The following RPGRIP1 variants were observed in gnomAD, a reference collection of about 807,000 sequenced individuals.
RPGRIP1 encodes the protein X-linked retinitis pigmentosa GTPase regulator-interacting protein 1.
RPGRIP1 carries 128 observed loss-of-function variants against 157.9 expected under a neutral mutation model. The observed-to-expected ratio is 0.81, with a 90% CI of 0.70 to 0.94. The LOEUF (loss-of-function observed/expected upper bound fraction) is 0.94. RPGRIP1 is among the 40% of genes least tolerant of loss of function. RPGRIP1 has a pLI of 0.00. For missense variants in RPGRIP1, 1,486 were observed against 1,545.8 expected, an observed-to-expected ratio of 0.96 and a Z score of 0.65; for synonymous variants, 554 against 571.6, an observed-to-expected ratio of 0.97 and a Z score of 0.44.
intron 5 of RPGRIP1, among the ~76,000 whole-genome samples, 176 bp from the exon 6 acceptor site, chr14:21,303,155 A>G (rs1881112469): frequency 6.6e-6 from 1 of 152,122 alleles, no homozygotes; most frequent in Non-Finnish European, 1.5e-5. Context: ...GGTGTGAGCC[A>G]CCACGCCTGG....
chr14:21,299,699 C>T (rs1429404970), intron 3 of RPGRIP1, among the ~76,000 whole-genome samples: 1 of 152,056 alleles, frequency 6.6e-6, no homozygotes, highest in Non-Finnish European at 1.5e-5. Context: ...GTGGCATGGC[C>T]AAAGCTACAG....
rs544541165 is a variant in RPGRIP1 at position 21,280,407 on chromosome 14, G to A, written c.-39+248G>A. Reference sequence around the variant, plus strand: ...CTACAGGCATGCGCCACCATTGCCCGGCTAATTTTTGTGTTTTTAGTAGAG... The same window carrying A: ...CTACAGGCATGCGCCACCATTGCCCAGCTAATTTTTGTGTTTTTAGTAGAG... On this transcript the variant is annotated intron_variant, in intron 1 of 24. Coordinates refer to ENST00000400017, the MANE Select transcript of RPGRIP1 (RefSeq NM_020366.4). 1.1e-4 allele frequency among the ~76,000 whole-genome samples: 16 copies of A among 151,992 alleles called. No individual in the cohort carries two copies. In the South Asian group the frequency reaches 1.9e-3, roughly 18 times the overall value.
At chr14:21,326,195 A>C in intron 17 of RPGRIP1, 22 bp downstream of exon 17, 1 of 1,472,440 alleles carries the variant, frequency 6.8e-7, no homozygotes, top group Non-Finnish European at 9.3e-7. Context: ...AGGTTATTAC[A>C]TCTTCACGCC....
In RPGRIP1 at chr14:21,340,479, A is replaced by G. The variant is rs186824227; in HGVS notation, c.3340-2557A>G. On this transcript the variant is annotated intron_variant, in intron 21 of 24. Coordinates refer to ENST00000400017, the MANE Select transcript of RPGRIP1 (RefSeq NM_020366.4). Reference sequence around the variant, plus strand: ...AGACCAGCCTGGGCAACATGGTGAAACCCCGTCTCTACTGAAAATATAAAA... The same window carrying G: ...AGACCAGCCTGGGCAACATGGTGAAGCCCCGTCTCTACTGAAAATATAAAA... Among the ~76,000 whole-genome samples, 939 of 152,148 alleles carry G rather than the reference A, an allele frequency of 6.2e-3. 12 individuals carry two copies. Among genetic ancestry groups the G allele is most frequent in the African/African-American group, 0.021 (882 of 41,528 alleles).
intron 3 of RPGRIP1, among the ~76,000 whole-genome samples, chr14:21,296,304 C>T (rs1262213769): frequency 6.6e-6 from 1 of 151,172 alleles, no homozygotes; most frequent in Non-Finnish European, 1.5e-5. Context: ...TGAGCTCAGG[C>T]AATCAGCCTG....
At chr14:21,306,003 A>C (rs1184321861) in intron 6 of RPGRIP1, among the ~76,000 whole-genome samples, 2 of 151,822 alleles carry the variant, frequency 1.3e-5, no homozygotes, top group African/African-American at 2.4e-5. Flanking sequence ...CAGCAGCTAG[A>C]CAGGGAATCA....
intron 7 of RPGRIP1, 36 bp downstream of exon 7, chr14:21,307,872 G>A (rs1042243191): frequency 2.6e-6 from 3 of 1,148,296 alleles, no homozygotes; most frequent in Admixed American, 3.0e-5. Context: ...TTCTTGGTGG[G>A]GGGAAACCCC....
At chr14:21,282,483 G>A (rs536711614) in intron 1 of RPGRIP1, among the ~76,000 whole-genome samples, 58 of 152,064 alleles carry the variant, frequency 3.8e-4, no homozygotes, top group Middle Eastern at 6.8e-3. Context: ...TGATCAGCCC[G>A]CCTCAGCCTC....
intron 17 of RPGRIP1, among the ~76,000 whole-genome samples, chr14:21,326,452 T>A (rs1285586623): frequency 6.6e-6 from 1 of 152,150 alleles, no homozygotes; most frequent in African/African-American, 2.4e-5. Context: ...CTGAATAAAC[T>A]TCTTTGTTTT....
At chr14:21,280,241 CT>C (rs35642254) in intron 1 of RPGRIP1, among the ~76,000 whole-genome samples, 82 bp downstream of exon 1, 31,696 of 108,814 alleles carry the variant, frequency 0.29, 2,560 homozygotes, top group Admixed American at 0.33. Flanking sequence ...TAAGTTTATT[CT>C]TTTTTTTTTT....
intron 8 of RPGRIP1, 80 bp from the exon 9 acceptor site, chr14:21,311,744 A>C (rs183388641): frequency 2.5e-4 from 287 of 1,134,392 alleles, no homozygotes; most frequent in Admixed American, 3.3e-4. Context: ...CTGTTAGAGA[A>C]TGCTAGGGTT....
intron 1 of RPGRIP1, among the ~76,000 whole-genome samples, chr14:21,282,179 C>T (rs896960486): frequency 2.0e-5 from 3 of 149,516 alleles, no homozygotes; most frequent in African/African-American, 7.3e-5. Context: ...GTAAAGGGTT[C>T]TTCACCCTCA....
In RPGRIP1 at chr14:21,283,654, C is replaced by CT. The variant is rs759412799; in HGVS notation, c.-39+3510dup. On this transcript the variant is annotated intron_variant, in intron 1 of 24. Coordinates refer to ENST00000400017, the MANE Select transcript of RPGRIP1 (RefSeq NM_020366.4). ...TACTTGTAAACTAAATGCAGATTTA[C>CT]TTTTTTTTTTTTTTTAGACAGAGTC... Among the ~76,000 whole-genome samples, 295 of 133,980 alleles carry CT rather than the reference C, an allele frequency of 2.2e-3. 1 individual carries two copies. Among genetic ancestry groups the CT allele is most frequent in the East Asian group, 0.011 (50 of 4,444 alleles). 87.9% of individuals were successfully genotyped at this position (133,980 alleles called of 152,430 possible).
At position 21,301,035 on chromosome 14, in the gene RPGRIP1, G is replaced by A; in HGVS notation, c.288G>A (p.Pro96=). The A allele has an allele frequency of 1.2e-6, 2 of 1,612,466 alleles. No homozygotes were observed. Among genetic ancestry groups the A allele is most frequent in the African/African-American group, 2.7e-5 (2 of 75,028 alleles). The part of the protein sequence containing the change: ...RDLRVAEEAA[P]LSETARRGQK... ...TGCGGGTCGCGGAGGAGGCGGCGCC[G>A]CTCTCGGAGACCGCAAGGCGCGGGC... The change falls in exon 4 of 25, where the codon CCG becomes CCA. Residue 96 remains proline, a synonymous_variant. Transcript: ENST00000400017.
rs372839775 is a variant in RPGRIP1 at position 21,324,341 on chromosome 14, T to C, written c.1763-277T>C. On this transcript the variant is annotated intron_variant, in intron 14 of 24. Transcript: ENST00000400017. ...CACCAAAACAATGTCATATATAAGA[T>C]AAAATGTGCCCCCAGTGTTTTCCTA... 266 of 502,916 alleles carry C rather than the reference T, an allele frequency of 5.3e-4. 2 individuals carry two copies. The South Asian group carries it at 5.3e-3, about 10-fold the overall frequency. 31.2% of individuals were successfully genotyped at this position (502,916 alleles called of 1,614,324 possible).
At chr14:21,317,609 G>T (rs1400650707) in intron 10 of RPGRIP1, 87 bp from the exon 11 acceptor site, 4 of 1,548,842 alleles carry the variant, frequency 2.6e-6, no homozygotes, top group Non-Finnish European at 2.6e-6. Flanking sequence ...TGAGGAACTA[G>T]GTCCAGGAGA....
At chr14:21,286,473 A>G (rs1880304243) in intron 1 of RPGRIP1, among the ~76,000 whole-genome samples, 1 of 149,814 alleles carries the variant, frequency 6.7e-6, no homozygotes, top group Non-Finnish European at 1.5e-5. Flanking sequence ...TGAGATATCT[A>G]GTAGCCATGC....
intron 6 of RPGRIP1, among the ~76,000 whole-genome samples, chr14:21,305,763 A>C (rs1305240576): frequency 6.6e-6 from 1 of 152,162 alleles, no homozygotes; most frequent in African/African-American, 2.4e-5. Flanking sequence ...TGGGAGGCTG[A>C]GGCAGGCGAA....
At chr14:21,339,243 C>T (rs577591873) in intron 21 of RPGRIP1, among the ~76,000 whole-genome samples, 6 of 151,926 alleles carry the variant, frequency 3.9e-5, no homozygotes, top group Non-Finnish European at 7.4e-5. Context: ...GTCAGGAGAT[C>T]GAGTCCATCC....
Sources: allele counts gnomAD v4.1 joint callset (sites outside exome capture counted in the v4.1 genomes callset), GRCh38; gene constraint gnomAD v4.1.1; transcripts MANE v1.5; gene names NCBI Gene and HGNC (gene_info 2026-07-23, HGNC 2026-07-21).